RUFY2: variants seen among roughly 807,000 people sequenced by gnomAD.
The protein encoded by RUFY2 is RUN and FYVE domain containing 2, also known as RUN and FYVE domain-containing protein 2.
In RUFY2, 49 loss-of-function variants were observed where a neutral mutation model predicts 94.4. The ratio of observed to expected loss-of-function variants is 0.52; its 90% CI spans 0.41 to 0.66. RUFY2 has a LOEUF of 0.66. RUFY2 is among the 30% of genes least tolerant of loss of function. The probability of loss-of-function intolerance (pLI) is 0.00; values close to 1 mark genes in which losing one functional copy is unlikely to be tolerated. For synonymous variants in RUFY2, 255 were observed against 235.7 expected (o/e 1.08, Z -0.75); for missense variants, 541 against 692.8 (o/e 0.78, Z 2.46).
intron 15 of RUFY2, among the ~76,000 whole-genome samples, chr10:68,356,774 CCT>C (rs1171919445): frequency 1.3e-5 from 2 of 150,984 alleles, no homozygotes; most frequent in Non-Finnish European, 2.9e-5. Flanking sequence ...GTCTCGAACT[CCT>C]GACTTCAAGT....
At chr10:68,392,885 GC>G (rs1364885325) in intron 7 of RUFY2, among the ~76,000 whole-genome samples, 1 of 146,108 alleles carries the variant, frequency 6.8e-6, no homozygotes, top group African/African-American at 2.6e-5. Context: ...CTGGGATCAT[GC>G]CACTGCACTC....
chr10:68,366,009 TAA>T (rs2132515126), intron 13 of RUFY2, among the ~76,000 whole-genome samples: 1 of 152,242 alleles, frequency 6.6e-6, no homozygotes, highest in Non-Finnish European at 1.5e-5. Flanking sequence ...TGTTGAATAC[TAA>T]AGGCAAAAAC....
chr10:68,394,229 GT>G, intron 5 of RUFY2, 93 bp from the exon 6 acceptor site: 2 of 1,580,672 alleles, frequency 1.3e-6, no homozygotes, highest in Non-Finnish European at 1.7e-6. Flanking sequence ...TTCCTTTAGT[GT>G]TTAACAGTCC....
intron 16 of RUFY2, among the ~76,000 whole-genome samples, chr10:68,348,269 G>A (rs1369815511): frequency 6.6e-6 from 1 of 151,350 alleles, no homozygotes; most frequent in African/African-American, 2.4e-5. Context: ...ACTTTGAGAG[G>A]CCAAGGTGAG....
intron 3 of RUFY2, among the ~76,000 whole-genome samples, chr10:68,399,840 G>A (rs2050678675): frequency 1.3e-5 from 2 of 152,122 alleles, no homozygotes; most frequent in African/African-American, 4.8e-5. Flanking sequence ...TGAGTGCAAT[G>A]GCGTGATCTC....
chr10:68,346,164 T>C (rs533903547), intron 16 of RUFY2, 80 bp from the exon 17 acceptor site: 2 of 981,162 alleles, frequency 2.0e-6, no homozygotes, highest in African/African-American at 3.3e-5. Context: ...AAGAACATTA[T>C]TTATAGGAAT....
chr10:68,402,999 CCA>C (rs1266850508), intron 2 of RUFY2, among the ~76,000 whole-genome samples: 1 of 151,030 alleles, frequency 6.6e-6, no homozygotes, highest in Non-Finnish European at 1.5e-5. Context: ...GCATGCAGCA[CCA>C]CACCCAGCTA....
intron 15 of RUFY2, among the ~76,000 whole-genome samples, chr10:68,357,473 C>T (rs1364094730): frequency 6.6e-6 from 1 of 151,992 alleles, no homozygotes; most frequent in Non-Finnish European, 1.5e-5. Context: ...AGGTGATCCA[C>T]CCGCCGCCTC....
At chr10:68,351,008 G>T (rs908966997) in intron 16 of RUFY2, among the ~76,000 whole-genome samples, 1 of 151,352 alleles carries the variant, frequency 6.6e-6, no homozygotes, top group African/African-American at 2.4e-5. Context: ...ACCGTGCCCC[G>T]CCCCACAAGT....
chr10:68,365,350 T>C (rs1461850904), intron 13 of RUFY2, among the ~76,000 whole-genome samples: 1 of 152,198 alleles, frequency 6.6e-6, no homozygotes, highest in African/African-American at 2.4e-5. Context: ...CTGCACATTC[T>C]CTCCATGTCT....
At chr10:68,366,757 T>G (rs1361981268) in intron 13 of RUFY2, among the ~76,000 whole-genome samples, 3 of 135,518 alleles carry the variant, frequency 2.2e-5, no homozygotes, top group Non-Finnish European at 4.7e-5. Context: ...TATATATATA[T>G]ATAATATTAA....
intron 16 of RUFY2, among the ~76,000 whole-genome samples, chr10:68,352,288 T>C (rs1362023389): frequency 3.3e-5 from 5 of 152,148 alleles, no homozygotes; most frequent in Non-Finnish European, 7.4e-5. Context: ...TTACAACCTC[T>C]ATCTTCATTC....
chr10:68,342,987 C>T (rs2046053734), downstream of RUFY2: 1 of 152,148 alleles, frequency 6.6e-6, no homozygotes, highest in African/African-American at 2.4e-5. Context: ...GGTTTTGTAT[C>T]TGATCCCTGC....
intron 3 of RUFY2, among the ~76,000 whole-genome samples, chr10:68,400,938 G>A (rs981070283): frequency 6.6e-5 from 10 of 152,116 alleles, no homozygotes; most frequent in African/African-American, 1.4e-4. Flanking sequence ...GGGTGAACCC[G>A]GGAGGTGGAG....
chr10:68,391,165 A>C lies in RUFY2; in HGVS notation c.650+1973T>G, dbSNP rs2049953808. On this transcript the variant is annotated intron_variant, in intron 7 of 17. Transcript: ENST00000602465. Reference sequence around the variant, plus strand: ...TGGCCAGGCTGGTCTCGAACTCCTGATCTCAAGTGATCCACATGCCTCGGC... The same window carrying C: ...TGGCCAGGCTGGTCTCGAACTCCTGCTCTCAAGTGATCCACATGCCTCGGC... Among the ~76,000 whole-genome samples the C allele has an allele frequency of 2.7e-5, 4 of 149,018 alleles. No individual in the cohort carries two copies. The South Asian group carries it at 8.6e-4, about 32-fold the overall frequency.
intron 15 of RUFY2, among the ~76,000 whole-genome samples, chr10:68,360,183 C>T (rs1564792162): frequency 6.6e-6 from 1 of 151,968 alleles, no homozygotes; most frequent in Non-Finnish European, 1.5e-5. Flanking sequence ...GCCTGTAATC[C>T]CAACACTTTG....
chr10:68,380,444 C>T (rs989418461), intron 11 of RUFY2, among the ~76,000 whole-genome samples: 2 of 151,736 alleles, frequency 1.3e-5, no homozygotes, highest in African/African-American at 2.4e-5. Flanking sequence ...AAAAAAAACT[C>T]CACCTTCAAT....
At chr10:68,379,635 T>G (rs2048897209) in intron 11 of RUFY2, 114 bp from the exon 12 acceptor site, 1 of 668,970 alleles carries the variant, frequency 1.5e-6, no homozygotes, top group Admixed American at 3.4e-5. Flanking sequence ...CAGGTTGGAT[T>G]TGAACTTCTG....
chr10:68,346,289 G>A (rs2046268881), intron 16 of RUFY2: 1 of 492,388 alleles, frequency 2.0e-6, no homozygotes. Context: ...TGTGGATTAA[G>A]TATAAAAAAC....
Sources: gnomAD v4.1 joint callset for allele counts (sites outside exome capture counted in the v4.1 genomes callset) on GRCh38, gnomAD v4.1.1 for gene constraint, MANE v1.5 for transcripts, NCBI Gene and HGNC (gene_info 2026-07-23, HGNC 2026-07-21) for gene names.